WASF1: variants seen among roughly 807,000 people sequenced by gnomAD.
WASF1 encodes WASP family member 1.
Under a neutral mutation model 50.5 loss-of-function variants are expected in WASF1, and 7 were observed. The ratio of observed to expected loss-of-function variants is 0.14; its 90% CI spans 0.08 to 0.26. The LOEUF (loss-of-function observed/expected upper bound fraction) is 0.26. Among genes scored for constraint, WASF1 ranks in the 10% least tolerant of loss-of-function variants. WASF1 has a pLI of 1.00. For synonymous variants in WASF1, 205 were observed against 244.0 expected (o/e 0.84, Z 1.49); for missense variants, 470 against 694.7 (o/e 0.68, Z 3.64).
At chr6:110,173,598 G>A (rs140695703) in intron 2 of WASF1, among the ~76,000 whole-genome samples, 126 of 152,240 alleles carry the variant, frequency 8.3e-4, no homozygotes, top group African/African-American at 2.9e-3. Context: ...AACAGTTTAC[G>A]CAAAAAGGAG....
chr6:110,114,008 A>G (rs1373659165), intron 4 of WASF1, among the ~76,000 whole-genome samples: 5 of 152,176 alleles, frequency 3.3e-5, no homozygotes, highest in Non-Finnish European at 5.9e-5. Flanking sequence ...GTTTTTGCCA[A>G]CCTAATAGTA....
Position 110,127,640 on chromosome 6 carries a change from T to C in WASF1, c.-28-11A>G. On this transcript the variant is annotated splice_polypyrimidine_tract_variant and intron_variant, in intron 3 of 10. Transcript: ENST00000392589. ...TTTGTGCCAGTTCACCTGTAGGAAA[T>C]CAAAAATAAATTAACAATATTAAAT... is the stretch of plus-strand genomic sequence containing the variant. The C allele has an allele frequency of 6.8e-7, 1 of 1,472,234 alleles. No homozygotes were observed. The highest frequency in any genetic ancestry group is 2.5e-5 in the East Asian group (1 of 39,660). The allele number at this position is 1,472,234 out of a possible 1,614,324, so 91.2% of individuals were successfully genotyped here.
chr6:110,145,956 G>A (rs1326384073), intron 3 of WASF1, among the ~76,000 whole-genome samples: 6 of 138,918 alleles, frequency 4.3e-5, no homozygotes, highest in Non-Finnish European at 9.2e-5. Flanking sequence ...CACAGGAAGG[G>A]GAACATCACA....
At chr6:110,159,823 T>G (rs1029529187) in intron 3 of WASF1, among the ~76,000 whole-genome samples, 1 of 151,826 alleles carries the variant, frequency 6.6e-6, no homozygotes, top group African/African-American at 2.4e-5. Flanking sequence ...ATTAAAGTGG[T>G]TTTAAGTACC....
chr6:110,179,514 G>A lies in WASF1; in HGVS notation c.-347C>T, dbSNP rs1777112073. 1 of 152,132 alleles carries A rather than the reference G, an allele frequency of 6.6e-6. No homozygotes were observed. The highest frequency in any genetic ancestry group is 6.5e-5 in the Admixed American group (1 of 15,284). The allele number at this position is 152,132 out of a possible 1,614,324, so 9.4% of individuals were successfully genotyped here. ...GGTCGCCGGTCCCCCTCGGCTCGCG[G>A]GACTCCGCCTAGAGCCCCCAGGAGG... On this transcript the variant is annotated 5_prime_UTR_variant, in exon 1 of 11. Coordinates refer to ENST00000392589, the MANE Select transcript of WASF1 (RefSeq NM_003931.3).
intron 6 of WASF1, among the ~76,000 whole-genome samples, chr6:110,108,078 A>T (rs1773401706): frequency 6.9e-6 from 1 of 144,376 alleles, no homozygotes; most frequent in Non-Finnish European, 1.5e-5. Context: ...CAGGAAAATG[A>T]CATGAACCTG....
chr6:110,160,018 C>A (rs939580968), intron 3 of WASF1, among the ~76,000 whole-genome samples: 3 of 151,720 alleles, frequency 2.0e-5, no homozygotes, highest in Non-Finnish European at 2.9e-5. Context: ...ATTAAAATAA[C>A]CTTTTACATT....
At chr6:110,174,512 C>T (rs1187138732) in intron 2 of WASF1, among the ~76,000 whole-genome samples, 3 of 152,168 alleles carry the variant, frequency 2.0e-5, no homozygotes, top group African/African-American at 7.2e-5. Context: ...ATTAAAATGA[C>T]TGCTCCAACA....
In WASF1 at chr6:110,108,553, G is replaced by A; in HGVS notation, c.397C>T (p.Pro133Ser). 6.2e-7 allele frequency: 1 copy of A among 1,613,936 alleles called. No homozygotes were observed. Among genetic ancestry groups the A allele is most frequent in the Non-Finnish European group, 8.5e-7 (1 of 1,179,886 alleles). The change falls in exon 6 of 11, where the codon CCT becomes TCT. Residue 133 changes from proline to serine, a missense_variant. Physicochemically the swap from Pro to Ser is moderately conservative, Grantham distance 74. Transcript: ENST00000392589. ...CTATAAGGAGTGAGTATATTGAGAG[G>A]TGGAGGCTGTTCACAAACATCGTAC... ...ETYDVCEQPP[P>S]LNILTPYRDD...
chr6:110,160,460 C>T (rs780074341), intron 3 of WASF1, among the ~76,000 whole-genome samples, 175 bp downstream of exon 3: 18 of 151,728 alleles, frequency 1.2e-4, no homozygotes, highest in Non-Finnish European at 2.5e-4. Flanking sequence ...TATTGTAAAA[C>T]CACCAACGTT....
At chr6:110,133,363 T>C (rs767462306) in intron 3 of WASF1, among the ~76,000 whole-genome samples, 3 of 152,190 alleles carry the variant, frequency 2.0e-5, no homozygotes, top group Non-Finnish European at 4.4e-5. Flanking sequence ...TTTTATAGTA[T>C]CTTTTTTATA....
At chr6:110,146,505 A>C (rs1775568852) in intron 3 of WASF1, among the ~76,000 whole-genome samples, 1 of 151,770 alleles carries the variant, frequency 6.6e-6, no homozygotes, top group African/African-American at 2.4e-5. Flanking sequence ...ATGCATGAAG[A>C]ACTGTACATT....
At chr6:110,118,990 A>C (rs1344943884) in intron 4 of WASF1, among the ~76,000 whole-genome samples, 1 of 152,204 alleles carries the variant, frequency 6.6e-6, no homozygotes, top group Non-Finnish European at 1.5e-5. Flanking sequence ...GTTCTTTGAA[A>C]CCAATGAGAA....
At chr6:110,121,837 T>C (rs951944297) in intron 4 of WASF1, among the ~76,000 whole-genome samples, 3 of 152,182 alleles carry the variant, frequency 2.0e-5, no homozygotes, top group Non-Finnish European at 4.4e-5. Context: ...ATATACACCA[T>C]GGAATACTAT....
At chr6:110,113,277 C>T in intron 5 of WASF1, 49 bp downstream of exon 5, 1 of 1,415,854 alleles carries the variant, frequency 7.1e-7, no homozygotes, top group East Asian at 2.6e-5. Flanking sequence ...TTCATCTCAT[C>T]TAACTTAAAA....
chr6:110,168,341 ATTAAG>A (rs1156819299), intron 2 of WASF1, among the ~76,000 whole-genome samples: 1 of 152,104 alleles, frequency 6.6e-6, no homozygotes, highest in Admixed American at 6.6e-5. Context: ...AATGAATGAA[ATTAAG>A]TTCTGTATGT....
At chr6:110,128,686 A>T (rs1385722978) in intron 3 of WASF1, among the ~76,000 whole-genome samples, 2 of 152,156 alleles carry the variant, frequency 1.3e-5, no homozygotes, top group Non-Finnish European at 1.5e-5. Flanking sequence ...CACAAATACA[A>T]ACTTCATTTC....
chr6:110,155,048 A>G (rs1044069170), intron 3 of WASF1, among the ~76,000 whole-genome samples: 33 of 152,118 alleles, frequency 2.2e-4, no homozygotes, highest in Non-Finnish European at 4.0e-4. Flanking sequence ...ACAGTGGAAG[A>G]CTTCCAGCTA....
Position 110,172,126 on chromosome 6 carries a change from G to A in WASF1, c.-127+6472C>T, listed in dbSNP as rs533643258. 2.0e-4 allele frequency among the ~76,000 whole-genome samples: 30 copies of A among 152,278 alleles called. 1 individual carries two copies. Among genetic ancestry groups the A allele is most frequent in the African/African-American group, 6.3e-4 (26 of 41,554 alleles). ...CAACCATTGTGGAAGACAGTGTGGC[G>A]ATTCCTCAAGGATCTAGAACTAGAA... On this transcript the variant is annotated intron_variant, in intron 2 of 10. Transcript: ENST00000392589.
Sources: allele counts gnomAD v4.1 joint callset (sites outside exome capture counted in the v4.1 genomes callset), GRCh38; gene constraint gnomAD v4.1.1; transcripts MANE v1.5; gene names NCBI Gene and HGNC (gene_info 2026-07-23, HGNC 2026-07-21).